TBCE: variants seen among roughly 807,000 people sequenced by gnomAD.
TBCE encodes the protein tubulin folding cofactor E.
A neutral mutation model predicts 77.0 loss-of-function variants in TBCE; 53 were observed. The ratio of observed to expected loss-of-function variants is 0.69; its 90% CI spans 0.55 to 0.87. The LOEUF is 0.87. Ranked by LOEUF, TBCE falls within the 40% of genes least tolerant of loss-of-function variation. The pLI, the probability that TBCE is intolerant of heterozygous loss-of-function variation, is 0.00. For missense variants in TBCE, 624 were observed against 622.4 expected, an observed-to-expected ratio of 1.00 and a Z score of -0.03; for synonymous variants, 235 against 241.3, an observed-to-expected ratio of 0.97 and a Z score of 0.24.
intron 13 of TBCE, among the ~76,000 whole-genome samples, chr1:235,439,572 C>A (rs1001553154): frequency 2.7e-5 from 4 of 150,490 alleles, no homozygotes; most frequent in Admixed American, 1.3e-4. Flanking sequence ...ACTGTAACCC[C>A]TGCCTCCCGG....
chr1:235,421,408 TAAG>T (rs1192375087), intron 5 of TBCE, among the ~76,000 whole-genome samples: 13 of 152,070 alleles, frequency 8.5e-5, no homozygotes, highest in African/African-American at 2.9e-4. Context: ...CCGTTTCTAT[TAAG>T]AAATTTCCCA....
At chr1:235,409,196 C>T (rs1018379571) in intron 3 of TBCE, among the ~76,000 whole-genome samples, 3 of 152,026 alleles carry the variant, frequency 2.0e-5, no homozygotes, top group Non-Finnish European at 4.4e-5. Flanking sequence ...GCTGTTTCCA[C>T]AAGGGCCATG....
chr1:235,407,130 C>T (rs1679483624), intron 3 of TBCE, among the ~76,000 whole-genome samples: 1 of 150,446 alleles, frequency 6.6e-6, no homozygotes, highest in African/African-American at 2.5e-5. Context: ...CACCTGGCCC[C>T]CGCCTTTTTT....
intron 2 of TBCE, among the ~76,000 whole-genome samples, chr1:235,386,813 T>C (rs1320042245): frequency 6.6e-6 from 1 of 152,238 alleles, no homozygotes; most frequent in Non-Finnish European, 1.5e-5. Flanking sequence ...AAAGTCATTC[T>C]CTGTCCAGCT....
At chr1:235,418,465 G>C (rs1680220297) in intron 4 of TBCE, 1 of 152,236 alleles carries the variant, frequency 6.6e-6, no homozygotes, top group Admixed American at 6.5e-5. Context: ...TTCATGAATA[G>C]AAAGCACAAG....
chr1:235,390,319 AC>A (rs1678301409), intron 2 of TBCE, among the ~76,000 whole-genome samples: 1 of 151,576 alleles, frequency 6.6e-6, no homozygotes. Context: ...TGTCCCCAGA[AC>A]CTCTGATTTT....
intron 15 of TBCE, among the ~76,000 whole-genome samples, chr1:235,446,262 G>A (rs1439512713): frequency 1.3e-5 from 2 of 151,866 alleles, no homozygotes; most frequent in African/African-American, 4.8e-5. Context: ...TGCAAACTCT[G>A]CCTTCCGGGT....
In TBCE at chr1:235,451,472, C is replaced by CAAAAAAAAAAAAAAAAAAAAAAAA. The variant is rs11464279; in HGVS notation, c.*2730_*2731insAAAAAAAAAAAAAAAAAAAAAAAA. ...AGTTTCCAAAGACATGAGATGGTCA[C>CAAAAAAAAAAAAAAAAAAAAAAAA]AAAAAAAAAAAAAAAAAAAAGACCG... is the stretch of plus-strand genomic sequence containing the variant. On this transcript the variant is annotated 3_prime_UTR_variant, in exon 17 of 17. Transcript: ENST00000642610. 1.2e-5 allele frequency: 1 copy of CAAAAAAAAAAAAAAAAAAAAAAAA among 83,064 alleles called. No individual in the cohort carries two copies. The highest frequency in any genetic ancestry group is 2.3e-5 in the Non-Finnish European group (1 of 42,964). The allele number at this position is 83,064 out of a possible 1,614,324, so 5.1% of individuals were successfully genotyped here.
Position 235,439,032 on chromosome 1 carries a change from TC to T in TBCE, c.1270+112del. 4 of 1,481,040 alleles carry T rather than the reference TC, an allele frequency of 2.7e-6. No individual in the cohort carries two copies. In the Middle Eastern group the frequency reaches 9.0e-4, roughly 332 times the overall value. The allele number at this position is 1,481,040 out of a possible 1,614,324, so 91.7% of individuals were successfully genotyped here. A position where few individuals can be genotyped will look rare whatever the true frequency, so the allele number is the denominator to read the frequency against. Reference sequence around the variant, plus strand: ...AGTGTTGCTTTTGCCCTTCTTCCTTTCCTGGGCTTCTTGTATTCATCTGAAT... The same window carrying T: ...AGTGTTGCTTTTGCCCTTCTTCCTTTCTGGGCTTCTTGTATTCATCTGAAT... On this transcript the variant is annotated intron_variant, in intron 13 of 16. Coordinates refer to ENST00000642610, the MANE Select transcript of TBCE (RefSeq NM_003193.5).
At chr1:235,384,764 C>G (rs910724574) in intron 2 of TBCE, among the ~76,000 whole-genome samples, 5 of 152,210 alleles carry the variant, frequency 3.3e-5, no homozygotes, top group African/African-American at 1.2e-4. Context: ...TTCAAAAAAC[C>G]AGCTCCTGGA....
chr1:235,432,386 T>TGTGCCCTTAATATGCCCGTGGCCATG (rs1681157936), intron 7 of TBCE, among the ~76,000 whole-genome samples: 1 of 152,212 alleles, frequency 6.6e-6, no homozygotes, highest in Non-Finnish European at 1.5e-5. Context: ...GTGGGCCCCT[T>TGTGCCCTTAATATGCCCGTGGCCATG]GTGCCCTTAA....
At chr1:235,389,961 A>T (rs951687338) in intron 2 of TBCE, among the ~76,000 whole-genome samples, 7 of 151,954 alleles carry the variant, frequency 4.6e-5, no homozygotes, top group Non-Finnish European at 8.8e-5. Context: ...TGTCTCTACT[A>T]AAAATACAAA....
chr1:235,445,238 G>GCACTCACT (rs749821890), intron 15 of TBCE, among the ~76,000 whole-genome samples: 1 of 152,026 alleles, frequency 6.6e-6, no homozygotes, highest in Non-Finnish European at 1.5e-5. Context: ...TCTCAAATGT[G>GCACTCACT]CACTCACTCA....
intron 3 of TBCE, among the ~76,000 whole-genome samples, chr1:235,413,388 G>A (rs976573227): frequency 6.6e-6 from 1 of 151,334 alleles, no homozygotes; most frequent in Non-Finnish European, 1.5e-5. Context: ...AAAATTAGGC[G>A]TGGTGGCTCA....
intron 16 of TBCE, 31 bp from the exon 17 acceptor site, chr1:235,448,639 A>C: frequency 6.3e-7 from 1 of 1,580,036 alleles, no homozygotes; most frequent in East Asian, 2.2e-5. Context: ...TGTCTTAATC[A>C]CATCCTTCCC....
At chr1:235,378,178 T>C (rs1356181834) in intron 1 of TBCE, among the ~76,000 whole-genome samples, 1 of 152,208 alleles carries the variant, frequency 6.6e-6, no homozygotes, top group African/African-American at 2.4e-5. Flanking sequence ...ACTTGTCGTT[T>C]AAAAATCCTT....
chr1:235,437,457 A>G lies in TBCE; in HGVS notation c.1099A>G (p.Thr367Ala). Residue 367 changes from threonine (T) to alanine (A), a missense_variant, in exon 12 of 17, where the codon ACG becomes GCG. Transcript: ENST00000642610. ...TATCGCCAGCATTGGCCAGCTGAAG[A>G]CGCTGAACAAATGTGAGGTGAGCAC... ...LIIASIGQLK[T>A]LNKCEILPEE... 1 of 1,614,076 alleles carries G rather than the reference A, an allele frequency of 6.2e-7. No individual in the cohort carries two copies. Among genetic ancestry groups the G allele is most frequent in the South Asian group, 1.1e-5 (1 of 91,078 alleles).
At chr1:235,384,018 T>C (rs1227263552) in intron 2 of TBCE, among the ~76,000 whole-genome samples, 1 of 152,020 alleles carries the variant, frequency 6.6e-6, no homozygotes, top group Non-Finnish European at 1.5e-5. Flanking sequence ...TGAGAGTTTT[T>C]AGCATGAAGG....
At chr1:235,377,401 G>A (rs1404574034) in intron 1 of TBCE, among the ~76,000 whole-genome samples, 1 of 152,114 alleles carries the variant, frequency 6.6e-6, no homozygotes, top group East Asian at 1.9e-4. Context: ...GGATGGTATC[G>A]ATCTCTTGAC....
Sources: allele counts gnomAD v4.1 joint callset (sites outside exome capture counted in the v4.1 genomes callset), GRCh38; gene constraint gnomAD v4.1.1; transcripts MANE v1.5; gene names NCBI Gene and HGNC (gene_info 2026-07-23, HGNC 2026-07-21).